The following DMD variants were observed in gnomAD, a reference collection of about 807,000 sequenced individuals.
DMD encodes the protein dystrophin.
A neutral mutation model predicts 330.1 loss-of-function variants in DMD; 63 were observed. That is an observed-to-expected ratio of 0.19 (90% CI 0.16 to 0.24). The LOEUF (loss-of-function observed/expected upper bound fraction) is 0.24, where lower values mean the gene tolerates loss of function less well. Among genes scored for constraint, DMD ranks in the 10% least tolerant of loss-of-function variants. The probability of loss-of-function intolerance (pLI) is 1.00; values close to 1 mark genes in which losing one functional copy is unlikely to be tolerated. For synonymous variants in DMD, 1,223 were observed against 959.8 expected, an observed-to-expected ratio of 1.27 and a Z score of -5.07; for missense variants, 3,344 against 2,684.1, an observed-to-expected ratio of 1.25 and a Z score of -5.43.
rs751521862 is a variant in DMD at position 32,453,073 on chromosome X, T to C, written c.3603+1589A>G. Among the ~76,000 whole-genome samples, 173 of 111,399 alleles carry C rather than the reference T, an allele frequency of 1.6e-3. 1 individual carries two copies. The highest frequency in any genetic ancestry group is 1.3e-3 in the Non-Finnish European group (67 of 52,653). The stretch of plus-strand genomic sequence containing the variant: ...GTCAAGTTTTTCTAAAATAGCATCC[T>C]ACCACCCTCAAATCCTGCCTGAACA... On this transcript the variant is annotated intron_variant, in intron 26 of 78. Coordinates refer to ENST00000357033, the MANE Select transcript of DMD (RefSeq NM_004006.3).
chrX:31,962,296 T>C (rs2095313909), intron 45 of DMD, among the ~76,000 whole-genome samples: 1 of 111,747 alleles, frequency 8.9e-6, no homozygotes, highest in Non-Finnish European at 1.9e-5. Flanking sequence ...CATGAGGTAC[T>C]ATAAAATCAA....
chrX:32,959,233 A>G (rs1415867249), intron 2 of DMD, among the ~76,000 whole-genome samples: 1 of 111,880 alleles, frequency 8.9e-6, no homozygotes, highest in Admixed American at 9.5e-5. Context: ...ACTGAGGCAC[A>G]AAGAAGGTAA....
At chrX:31,490,303 C>T (rs1270220376) in intron 57 of DMD, among the ~76,000 whole-genome samples, 1 of 112,349 alleles carries the variant, frequency 8.9e-6, no homozygotes, top group East Asian at 2.8e-4. Context: ...TGGCTCACGC[C>T]TGTAATCCCA....
chrX:32,128,868 G>T (rs964038563), intron 44 of DMD, among the ~76,000 whole-genome samples: 2 of 112,147 alleles, frequency 1.8e-5, no homozygotes, highest in African/African-American at 3.2e-5. Flanking sequence ...AAAGACACCA[G>T]ATATGGAGAA....
Position 32,491,400 on chromosome X carries a change from G to C in DMD, c.2499C>G (p.Ile833Met), listed in dbSNP as rs752188036. ...ATTGTTGTAGCTGATTATAGAAAGC[G>C]ATGATGTTGTTCTGATACTCCAGCC... ...LNWLEYQNNIIAFYNQLQQLE... is the reference protein window; with the variant it reads ...LNWLEYQNNIMAFYNQLQQLE... The change falls in exon 20 of 79, where the codon ATC (isoleucine) becomes ATG (methionine). Residue 833 changes from isoleucine (I) to methionine (M), a missense_variant. Transcript: ENST00000357033. 2.5e-6 allele frequency: 3 copies of C among 1,211,650 alleles called. No homozygotes were observed. Among genetic ancestry groups the C allele is most frequent in the South Asian group, 3.5e-5 (2 of 57,008 alleles).
chrX:32,419,089 T>C (rs2098178831), intron 29 of DMD, among the ~76,000 whole-genome samples: 1 of 109,736 alleles, frequency 9.1e-6, no homozygotes. Context: ...CATAATTTCA[T>C]ATGGTGTTAA....
Position 31,324,419 on chromosome X carries a change from G to T in DMD, c.9164-761C>A, listed in dbSNP as rs560290897. ...TTTTTTTTTTTTTCAGGCTTAAGTT[G>T]TAGGATTTCTTCCCTAAAGCTGAAC... On this transcript the variant is annotated intron_variant, in intron 61 of 78. Transcript: ENST00000357033. 7.1e-3 allele frequency among the ~76,000 whole-genome samples: 757 copies of T among 106,050 alleles called. 4 individuals carry two copies. Among genetic ancestry groups the T allele is most frequent in the Middle Eastern group, 0.015 (3 of 205 alleles). The allele number at this position is 106,050 out of a possible 115,157, so 92.1% of individuals were successfully genotyped here.
At chrX:32,763,188 G>T (rs1161851469) in intron 7 of DMD, among the ~76,000 whole-genome samples, 2 of 111,447 alleles carry the variant, frequency 1.8e-5, no homozygotes, top group African/African-American at 6.5e-5. Context: ...TTTCTATAAT[G>T]ATCATGCTAA....
In DMD at chrX:32,549,856, A is replaced by G. The variant is rs1486390805; in HGVS notation, c.1993-4522T>C. On this transcript the variant is annotated intron_variant, in intron 16 of 78. Transcript: ENST00000357033. ...CACTTGTTTAAAAAATGCACATTTA[A>G]AAAAAGAAACATAAGTACATCAAAG... Among the ~76,000 whole-genome samples, 7 of 112,114 alleles carry G rather than the reference A, an allele frequency of 6.2e-5. No homozygotes were observed. The East Asian group carries it at 1.9e-3, about 31-fold the overall frequency.
intron 42 of DMD, among the ~76,000 whole-genome samples, chrX:32,303,540 C>G (rs892349347): frequency 2.7e-5 from 3 of 111,084 alleles, no homozygotes; most frequent in African/African-American, 9.8e-5. Flanking sequence ...CTATTGTCGT[C>G]ATATTTTGGG....
At chrX:32,286,918 A>G (rs1316655674) in intron 43 of DMD, among the ~76,000 whole-genome samples, 1 of 112,044 alleles carries the variant, frequency 8.9e-6, no homozygotes, top group African/African-American at 3.2e-5. Flanking sequence ...AAAATGTAAA[A>G]GAAAGAGTAA....
intron 48 of DMD, among the ~76,000 whole-genome samples, chrX:31,864,519 T>C (rs907456479): frequency 2.1e-5 from 2 of 95,017 alleles, no homozygotes; most frequent in Non-Finnish European, 4.1e-5. Context: ...TAAAGAAGTC[T>C]TGCTCTATTC....
intron 41 of DMD, among the ~76,000 whole-genome samples, chrX:32,336,933 C>T (rs992516097): frequency 9.9e-5 from 11 of 111,347 alleles, no homozygotes; most frequent in Non-Finnish European, 5.7e-5. Context: ...GAAGGGGCTA[C>T]ATCATATAGC....
chrX:32,395,755 A>C (rs770912935), intron 30 of DMD, among the ~76,000 whole-genome samples: 1 of 110,967 alleles, frequency 9.0e-6, no homozygotes, highest in South Asian at 3.8e-4. Flanking sequence ...GTAGGAAACA[A>C]GCTAGCAAAG....
Position 32,829,680 on chromosome X carries a change from G to A in DMD, c.265-6293C>T, listed in dbSNP as rs757593454. Among the ~76,000 whole-genome samples the A allele has an allele frequency of 1.4e-4, 16 of 110,691 alleles. No homozygotes were observed. The South Asian group carries it at 5.2e-3, about 36-fold the overall frequency. ...ATTTCCATCTTTTAAAAATCTTATG[G>A]CTATACAGTTCTCTCTGAATACAGA... On this transcript the variant is annotated intron_variant, in intron 4 of 78. Coordinates refer to ENST00000357033, the MANE Select transcript of DMD (RefSeq NM_004006.3).
At chrX:31,183,490 T>C (rs2041385000) in intron 67 of DMD, among the ~76,000 whole-genome samples, 1 of 111,410 alleles carries the variant, frequency 9.0e-6, no homozygotes, top group Non-Finnish European at 1.9e-5. Flanking sequence ...CTTAGCGCTG[T>C]TTTCATGATG....
At chrX:33,140,620 A>G (rs1316207274) in intron 1 of DMD, among the ~76,000 whole-genome samples, 1 of 112,164 alleles carries the variant, frequency 8.9e-6, no homozygotes, top group Non-Finnish European at 1.9e-5. Context: ...TTAGCACTCT[A>G]TGACTTTTAT....
intron 11 of DMD, among the ~76,000 whole-genome samples, chrX:32,624,676 AATCAC>A (rs1193606228): frequency 1.8e-5 from 2 of 111,784 alleles, no homozygotes; most frequent in Non-Finnish European, 3.8e-5. Context: ...CGGATCCATT[AATCAC>A]ATTTTAAGGA....
chrX:31,288,424 A>G (rs762645887), intron 62 of DMD, among the ~76,000 whole-genome samples: 1 of 111,782 alleles, frequency 8.9e-6, no homozygotes, highest in South Asian at 3.8e-4. Flanking sequence ...CACATCCAGG[A>G]GTAAGAAAGT....
Sources: allele counts gnomAD v4.1 joint callset (sites outside exome capture counted in the v4.1 genomes callset), GRCh38; gene constraint gnomAD v4.1.1; transcripts MANE v1.5; gene names NCBI Gene and HGNC (gene_info 2026-07-23, HGNC 2026-07-21).